The following APOB variants were observed in gnomAD, a reference collection of about 807,000 sequenced individuals.
The protein encoded by APOB is apolipoprotein B-100.
In APOB, 153 loss-of-function variants were observed where a neutral mutation model predicts 314.1. That is an observed-to-expected ratio of 0.49 (90% CI 0.43 to 0.56). APOB has a LOEUF of 0.56. Ranked by LOEUF, APOB falls within the 20% of genes least tolerant of loss-of-function variation. APOB has a pLI of 0.00. For missense variants in APOB, 5,430 were observed against 5,350.7 expected (o/e 1.01, Z -0.46); for synonymous variants, 2,087 against 2,036.4 (o/e 1.02, Z -0.67).
At position 21,009,486 on chromosome 2, in the gene APOB, T is replaced by C. The variant is rs762626761; in HGVS notation, c.7382A>G (p.Gln2461Arg). 1 of 1,614,142 alleles carries C rather than the reference T, an allele frequency of 6.2e-7. No homozygotes were observed. Among genetic ancestry groups the C allele is most frequent in the Non-Finnish European group, 8.5e-7 (1 of 1,179,986 alleles). Residue 2461 changes from glutamine to arginine, a missense_variant, in exon 26 of 29, where the codon CAA (glutamine) becomes CGA (arginine). Gln to Arg is a conservative substitution (Grantham distance 43, BLOSUM62 1). Around this residue, in one of 3 missense-constraint regions of APOB, gnomAD observed 3,281 missense variants for 3,171.0 expected, o/e 1.03. Transcript: ENST00000233242. ...AAACAGTTTTAATGCTTCAGCTTTT[T>C]GTGGTAGTTCCAGAGCCTGAATTTC... is the stretch of plus-strand genomic sequence containing the variant. ...NGEIQALELPQKAEALKLFLE... is the reference protein window; with the variant it reads ...NGEIQALELPRKAEALKLFLE...
At position 21,001,763 on chromosome 2, in the gene APOB, C is replaced by T. The variant is rs886055570; in HGVS notation, c.13659G>A (p.Lys4553=). The T allele has an allele frequency of 6.2e-7, 1 of 1,613,944 alleles. No individual in the cohort carries two copies. Among genetic ancestry groups the T allele is most frequent in the Non-Finnish European group, 8.5e-7 (1 of 1,179,924 alleles). Residue 4553 remains lysine, a synonymous_variant, in exon 29 of 29, where the codon AAG becomes AAA. Coordinates refer to ENST00000233242, the MANE Select transcript of APOB (RefSeq NM_000384.3). ...TGATAGTAAGTTCTCCTGGAGCAAGCTTCATGTAGGGGTTCATGACTGTGG... is the reference window on the plus strand; with the variant it reads ...TGATAGTAAGTTCTCCTGGAGCAAGTTTCATGTAGGGGTTCATGACTGTGG... ...QSTTVMNPYM[K]LAPGELTIIL
In APOB at chr2:21,001,804, T is replaced by C. The variant is rs1405988034; in HGVS notation, c.13618A>G (p.Lys4540Glu). 1.2e-6 allele frequency: 2 copies of C among 1,614,064 alleles called. No individual in the cohort carries two copies. Among genetic ancestry groups the C allele is most frequent in the Admixed American group, 1.7e-5 (1 of 60,018 alleles). Residue 4540 changes from lysine to glutamate, a missense_variant, in exon 29 of 29, where the codon AAA (lysine) becomes GAA (glutamate). Lys to Glu is a moderately conservative substitution (Grantham distance 56, BLOSUM62 1). Around this residue, in one of 3 missense-constraint regions of APOB, gnomAD observed 3,281 missense variants for 3,171.0 expected, o/e 1.03. Coordinates refer to ENST00000233242, the MANE Select transcript of APOB (RefSeq NM_000384.3). ...TFLIYITELL[K>E]KLQSTTVMNP... ...ATGACTGTGGTTGATTGCAGCTTTT[T>C]CAGTAACTCCGTGATGTATATCAGA...
At chr2:21,022,256 C>T (rs969547052) in intron 18 of APOB, among the ~76,000 whole-genome samples, 1 of 152,208 alleles carries the variant, frequency 6.6e-6, no homozygotes, top group African/African-American at 2.4e-5. Flanking sequence ...GCATGAACCA[C>T]CGTGGCTGGC....
chr2:21,029,753 C>T lies in APOB; in HGVS notation c.1503G>A (p.Gln501=). The change falls in exon 12 of 29, where the codon CAG becomes CAA. Residue 501 remains glutamine (Q), a synonymous_variant. Transcript: ENST00000233242. ...VIGNMGQTME[Q]LTPELKSSIL... The stretch of plus-strand genomic sequence containing the variant: ...TTGAAGACTTGAGTTCTGGAGTTAA[C>T]TGCTCCATGGTTTGGCCCATATTTC... The T allele has an allele frequency of 6.2e-7, 1 of 1,614,186 alleles. No homozygotes were observed. The highest frequency in any genetic ancestry group is 8.5e-7 in the Non-Finnish European group (1 of 1,180,024).
intron 18 of APOB, among the ~76,000 whole-genome samples, chr2:21,022,051 G>A (rs933279446): frequency 6.6e-6 from 1 of 152,156 alleles, no homozygotes; most frequent in African/African-American, 2.4e-5. Context: ...GAACTCTTGG[G>A]CTCAGTTGAT....
At chr2:21,039,675 A>G (rs1305440729) in intron 4 of APOB, among the ~76,000 whole-genome samples, 1 of 152,228 alleles carries the variant, frequency 6.6e-6, no homozygotes, top group Non-Finnish European at 1.5e-5. Flanking sequence ...TTGTATGTCA[A>G]TTTTTAAAAA....
chr2:21,029,621 TC>T lies in APOB; in HGVS notation c.1617+17del, dbSNP rs1558572861. 1 of 1,614,066 alleles carries T rather than the reference TC, an allele frequency of 6.2e-7. No individual in the cohort carries two copies. On this transcript the variant is annotated intron_variant, in intron 12 of 28. Coordinates refer to ENST00000233242, the MANE Select transcript of APOB (RefSeq NM_000384.3). Reference sequence around the variant, plus strand: ...GTTAATAAACTTTCACTTTCAGACCTCTTCTTGTGGACTTTACCTTGTCTTT... The same window carrying T: ...GTTAATAAACTTTCACTTTCAGACCTTTCTTGTGGACTTTACCTTGTCTTT...
rs1060499842 is a variant in APOB at position 21,043,912 on chromosome 2, GCAGCGCCA to G, written c.26_33del (p.Leu9ProfsTer46). ...AGCAGCAGCAGCGCAGGCAGCGCCAGCAGCGCCAGCAGCGCGGGCCTCGGCGGGTCCAT... is the reference window on the plus strand; with the variant it reads ...AGCAGCAGCAGCGCAGGCAGCGCCAGGCAGCGCGGGCCTCGGCGGGTCCAT... On this transcript the variant is annotated frameshift_variant, in exon 1 of 29. Transcript: ENST00000233242. LOFTEE classifies it high-confidence loss of function. The G allele has an allele frequency of 2.2e-6, 3 of 1,338,020 alleles. No homozygotes were observed. Among genetic ancestry groups the G allele is most frequent in the Non-Finnish European group, 1.9e-6 (2 of 1,047,522 alleles). 82.9% of individuals were successfully genotyped at this position (1,338,020 alleles called of 1,614,324 possible).
chr2:21,040,919 C>A lies in APOB; in HGVS notation c.383+19G>T. ...GCGGACACACACACATGCGTGTGCT[C>A]ATGTACAACATGACTTACCTGGACA... On this transcript the variant is annotated intron_variant, in intron 4 of 28. Transcript: ENST00000233242. 1.2e-6 allele frequency: 2 copies of A among 1,613,684 alleles called. No homozygotes were observed. The highest frequency in any genetic ancestry group is 2.2e-5 in the South Asian group (2 of 90,994).
intron 7 of APOB, 72 bp from the exon 8 acceptor site, chr2:21,034,973 C>G (rs1663965821): frequency 1.2e-6 from 1 of 838,566 alleles, no homozygotes; most frequent in South Asian, 1.3e-5. Context: ...GAAGGTTTTC[C>G]CTGTCTCTGC....
chr2:21,013,642 C>T, intron 24 of APOB, 109 bp from the exon 25 acceptor site: 1 of 1,500,228 alleles, frequency 6.7e-7, no homozygotes, highest in South Asian at 1.1e-5. Context: ...CCCAAAGCCA[C>T]TCTGCACTTT....
chr2:21,018,521 G>A (rs1428346855), intron 20 of APOB, among the ~76,000 whole-genome samples: 2 of 152,046 alleles, frequency 1.3e-5, no homozygotes, highest in African/African-American at 4.8e-5. Context: ...CAGGGCCTTT[G>A]CACTTGCTGG....
intron 16 of APOB, 83 bp downstream of exon 16, chr2:21,024,850 C>G: frequency 7.0e-7 from 1 of 1,438,192 alleles, no homozygotes. Context: ...GCTTGTGCAG[C>G]TGGGATCGTA....
chr2:21,028,174 C>A, intron 13 of APOB, 109 bp from the exon 14 acceptor site: 1 of 1,139,222 alleles, frequency 8.8e-7, no homozygotes, highest in Non-Finnish European at 1.3e-6. Flanking sequence ...GTCTTGATTT[C>A]ATTGACCCTA....
chr2:21,043,390 G>T (rs1664180909), intron 2 of APOB, 123 bp downstream of exon 2: 1 of 1,170,102 alleles, frequency 8.5e-7, no homozygotes, highest in Non-Finnish European at 1.3e-6. Context: ...GCTTCCTGGG[G>T]TCAGAGCAAG....
intron 10 of APOB, 126 bp downstream of exon 10, chr2:21,032,228 A>G (rs1663897777): frequency 4.7e-6 from 4 of 855,730 alleles, no homozygotes; most frequent in South Asian, 1.5e-5. Context: ...AATGATCAAG[A>G]AAAAACACAA....
At chr2:21,038,169 G>T in intron 4 of APOB, 58 bp from the exon 5 acceptor site, 1 of 1,590,188 alleles carries the variant, frequency 6.3e-7, no homozygotes, top group Non-Finnish European at 8.6e-7. Flanking sequence ...CTTGCTGGAA[G>T]TAAGCTGGGT....
chr2:21,022,862 G>C lies in APOB; in HGVS notation c.2785C>G (p.Pro929Ala). The C allele has an allele frequency of 6.2e-7, 1 of 1,614,118 alleles. No homozygotes were observed. The change falls in exon 18 of 29, where the codon CCA becomes GCA. Residue 929 changes from proline (P) to alanine (A), a missense_variant. Coordinates refer to ENST00000233242, the MANE Select transcript of APOB (RefSeq NM_000384.3). ...CTGAGCAGCTTGACTGGTCTCTTTG[G>C]GGAAGGAATGATAAACTTCAGCTTC... ...AGKLKFIIPS[P>A]KRPVKLLSGG...
At chr2:21,030,059 A>C in intron 10 of APOB, 44 bp from the exon 11 acceptor site, 1 of 1,296,260 alleles carries the variant, frequency 7.7e-7, no homozygotes. Context: ...AACCCCAGTT[A>C]GGTTTGTCTT....
Sources: allele counts gnomAD v4.1 joint callset (sites outside exome capture counted in the v4.1 genomes callset), GRCh38; gene constraint gnomAD v4.1.1; regional missense constraint gnomAD v4.1.1; transcripts MANE v1.5; gene names NCBI Gene and HGNC (gene_info 2026-07-23, HGNC 2026-07-21).